Variants in ADAM10 observed in about 807,000 individuals in gnomAD.
The protein encoded by ADAM10 is disintegrin and metalloproteinase domain-containing protein 10.
Under a neutral mutation model 90.1 loss-of-function variants are expected in ADAM10, and 17 were observed. The observed-to-expected ratio is 0.19, with a 90% CI of 0.13 to 0.28. ADAM10 has a LOEUF of 0.28. Among genes scored for constraint, ADAM10 ranks in the 10% least tolerant of loss-of-function variants. The pLI, the probability that ADAM10 is intolerant of heterozygous loss-of-function variation, is 1.00. For synonymous variants in ADAM10, 310 were observed against 298.6 expected (o/e 1.04, Z -0.40); for missense variants, 610 against 914.3 (o/e 0.67, Z 4.29).
chr15:58,692,247 T>C (rs569533559), intron 2 of ADAM10: 22 of 595,858 alleles, frequency 3.7e-5, no homozygotes, highest in South Asian at 1.5e-4. Flanking sequence ...CTACAGGGAA[T>C]TGCTTGACTG....
At position 58,679,163 on chromosome 15, in the gene ADAM10, G is replaced by A. The variant is rs149887824; in HGVS notation, c.445C>T (p.Leu149=). 375 of 1,613,958 alleles carry A rather than the reference G, an allele frequency of 2.3e-4. 2 individuals are homozygous for A. The African/African-American group carries it at 4.2e-3, about 18-fold the overall frequency. ...TGATAAATGACAGAGTGAAATGGCAGAGTTCGGTCTTTAATATATCTCTCT... is the reference window on the plus strand; with the variant it reads ...TGATAAATGACAGAGTGAAATGGCAAAGTTCGGTCTTTAATATATCTCTCT... ...PAERYIKDRT[L]PFHSVIYHED... The change falls in exon 4 of 16, where the codon CTG becomes TTG. Residue 149 remains leucine, a synonymous_variant. Transcript: ENST00000260408.
chr15:58,611,139 TC>T, intron 12 of ADAM10, 32 bp from the exon 13 acceptor site: 1 of 1,510,430 alleles, frequency 6.6e-7, no homozygotes, highest in South Asian at 1.1e-5. Context: ...AATTGTTTAA[TC>T]CCTATACAGT....
intron 1 of ADAM10, among the ~76,000 whole-genome samples, chr15:58,720,022 G>C (rs572902584): frequency 6.6e-6 from 1 of 152,080 alleles, no homozygotes; most frequent in Non-Finnish European, 1.5e-5. Context: ...CTGAAGCCAA[G>C]AATTCAGGAA....
chr15:58,633,698 A>G (rs1201427150), intron 8 of ADAM10, among the ~76,000 whole-genome samples: 2 of 152,208 alleles, frequency 1.3e-5, no homozygotes, highest in Non-Finnish European at 2.9e-5. Flanking sequence ...TATTTACACT[A>G]AGTCAAAGTG....
rs566530505 is a variant in ADAM10, at chr15:58,611,140, C to A, written c.1696-33G>T. On this transcript the variant is annotated intron_variant, in intron 12 of 15. Transcript: ENST00000260408. ...AAAAATAAAAGACAAATTGTTTAAT[C>A]CCTATACAGTCAAACCTATTTTTTA... 9.3e-6 allele frequency: 14 copies of A among 1,501,278 alleles called. No homozygotes were observed. The East Asian group carries it at 2.9e-4, about 32-fold the overall frequency. 93.0% of individuals were successfully genotyped at this position (1,501,278 alleles called of 1,614,324 possible).
intron 2 of ADAM10, among the ~76,000 whole-genome samples, chr15:58,716,450 A>T (rs1898661012): frequency 6.6e-6 from 1 of 152,212 alleles, no homozygotes; most frequent in Non-Finnish European, 1.5e-5. Context: ...ATTGTACATT[A>T]AAAGATGATC....
In ADAM10 at chr15:58,621,520, T is replaced by G; in HGVS notation, c.1462A>C (p.Asn488His). 6.2e-7 allele frequency: 1 copy of G among 1,614,150 alleles called. No individual in the cohort carries two copies. Among genetic ancestry groups the G allele is most frequent in the Non-Finnish European group, 8.5e-7 (1 of 1,180,012 alleles). Residue 488 changes from asparagine to histidine, a missense_variant, in exon 11 of 16, where the codon AAT (asparagine) becomes CAT (histidine). Asn to His is a moderately conservative substitution (Grantham distance 68). Transcript: ENST00000260408. The part of the protein sequence containing the change: ...QCKDECCFDA[N>H]QPEGRKCKLK... ...TTGCATTTTCTTCCCTCTGGTTGAT[T>G]TGCATCGAAGCAGCATTCATCTTTA...
rs1897363587 is a variant in ADAM10 at position 58,679,210 on chromosome 15, C to G, written c.398G>C (p.Gly133Ala). 1.6e-5 allele frequency: 26 copies of G among 1,613,988 alleles called. No homozygotes were observed. Among genetic ancestry groups the G allele is most frequent in the Non-Finnish European group, 2.2e-5 (26 of 1,179,966 alleles). The change falls in exon 4 of 16, where the codon GGC becomes GCC. Residue 133 changes from glycine to alanine, a missense_variant. Transcript: ENST00000260408. ...CTCTGCTGGCTCAACATAAAATGTG[C>G]CACCACGAGTCTGGATGAATCCTTC... The part of the protein sequence containing the change: ...RFEGFIQTRG[G>A]TFYVEPAERY...
At chr15:58,715,474 T>C (rs1290175087) in intron 2 of ADAM10, among the ~76,000 whole-genome samples, 4 of 151,942 alleles carry the variant, frequency 2.6e-5, no homozygotes, top group African/African-American at 7.3e-5. Context: ...TTACATGAGA[T>C]TTCCTGGTTT....
At position 58,749,505 on chromosome 15, in the gene ADAM10, G is replaced by A. The variant is rs938974829; in HGVS notation, c.30C>T (p.Leu10=). The A allele has an allele frequency of 2.3e-5, 35 of 1,554,214 alleles. No homozygotes were observed. In the Admixed American group the frequency reaches 3.1e-4, roughly 14 times the overall value. MVLLRVLIL[L]LSWAAGMGGQ... is the part of the protein sequence containing the mutation. Reference sequence around the variant, plus strand: ...CTCCCATCCCCGCCGCCCAGGAGAGGAGCAGAATTAACACTCTCAGCAACA... The same window carrying A: ...CTCCCATCCCCGCCGCCCAGGAGAGAAGCAGAATTAACACTCTCAGCAACA... The change falls in exon 1 of 16, where the codon CTC becomes CTT. Residue 10 remains leucine (L), a synonymous_variant. Coordinates refer to ENST00000260408, the MANE Select transcript of ADAM10 (RefSeq NM_001110.4).
At chr15:58,728,447 A>T (rs575412333) in intron 1 of ADAM10, among the ~76,000 whole-genome samples, 47 of 152,162 alleles carry the variant, frequency 3.1e-4, no homozygotes, top group African/African-American at 9.9e-4. Flanking sequence ...ATTTTTTTTT[A>T]AATAAAAATA....
chr15:58,720,542 C>T (rs1898818766), intron 1 of ADAM10, among the ~76,000 whole-genome samples: 1 of 151,800 alleles, frequency 6.6e-6, no homozygotes, highest in South Asian at 2.1e-4. Context: ...CTGGAGACTA[C>T]AGGCACCTGC....
At chr15:58,600,381 A>C (rs1309601940) in intron 14 of ADAM10, among the ~76,000 whole-genome samples, 1 of 152,214 alleles carries the variant, frequency 6.6e-6, no homozygotes, top group Non-Finnish European at 1.5e-5. Flanking sequence ...CAAAGTTAAG[A>C]CTGAAATTCT....
intron 1 of ADAM10, among the ~76,000 whole-genome samples, chr15:58,720,636 C>T (rs1353640106): frequency 6.6e-6 from 1 of 151,270 alleles, no homozygotes; most frequent in African/African-American, 2.4e-5. Context: ...CTCCTGACCT[C>T]GTGATCCGCC....
chr15:58,700,752 T>C (rs1898108942), intron 2 of ADAM10, among the ~76,000 whole-genome samples: 1 of 152,066 alleles, frequency 6.6e-6, no homozygotes, highest in African/African-American at 2.4e-5. Context: ...AGTGACTCAG[T>C]GCCTGAAAGC....
At chr15:58,683,031 G>A (rs1437069757) in intron 2 of ADAM10, among the ~76,000 whole-genome samples, 2 of 152,066 alleles carry the variant, frequency 1.3e-5, no homozygotes, top group Non-Finnish European at 2.9e-5. Flanking sequence ...ACTAGCTCAG[G>A]TTCCTGTCTG....
At chr15:58,605,456 TA>T (rs34001534) in intron 14 of ADAM10, among the ~76,000 whole-genome samples, 43,425 of 152,036 alleles carry the variant, frequency 0.29, 8,729 homozygotes, top group African/African-American at 0.56. Flanking sequence ...TTTTCCTTTT[TA>T]AAAAAAGAAT....
At position 58,592,168 on chromosome 15, in the gene ADAM10, A is replaced by G. The variant is rs1296271193; in HGVS notation, c.*5379T>C. 2.6e-5 allele frequency: 4 copies of G among 152,210 alleles called. No homozygotes were observed. The highest frequency in any genetic ancestry group is 9.7e-5 in the African/African-American group (4 of 41,446). The allele number at this position is 152,210 out of a possible 1,614,324, so 9.4% of individuals were successfully genotyped here. ...TTGGCAGAACTGCTTCATAGGTGGT[A>G]TATGTACTTCCATTAGGAGGCACAA... On this transcript the variant is annotated 3_prime_UTR_variant, in exon 16 of 16. Coordinates refer to ENST00000260408, the MANE Select transcript of ADAM10 (RefSeq NM_001110.4).
At chr15:58,676,062 T>C in intron 4 of ADAM10, 1 of 223,876 alleles carries the variant, frequency 4.5e-6, no homozygotes, top group Non-Finnish European at 9.2e-6. Context: ...AGTTATAAAA[T>C]AAACACTGCT....
Sources: allele counts gnomAD v4.1 joint callset (sites outside exome capture counted in the v4.1 genomes callset), GRCh38; gene constraint gnomAD v4.1.1; transcripts MANE v1.5; gene names NCBI Gene and HGNC (gene_info 2026-07-23, HGNC 2026-07-21).